The following CSMD1 variants were observed in gnomAD, a reference collection of about 807,000 sequenced individuals.
CSMD1 encodes CUB and Sushi multiple domains 1.
A neutral mutation model predicts 417.5 loss-of-function variants in CSMD1; 213 were observed. The observed-to-expected ratio is 0.51, with a 90% CI of 0.46 to 0.57. The LOEUF is 0.57. Among genes scored for constraint, CSMD1 ranks in the 20% least tolerant of loss-of-function variants. CSMD1 has a pLI of 0.00. For synonymous variants in CSMD1, 2,862 were observed against 1,736.8 expected, an observed-to-expected ratio of 1.65 and a Z score of -16.11; for missense variants, 6,923 against 4,529.7, an observed-to-expected ratio of 1.53 and a Z score of -15.17.
At chr8:3,919,479 T>G (rs932557710) in intron 5 of CSMD1, among the ~76,000 whole-genome samples, 1 of 152,148 alleles carries the variant, frequency 6.6e-6, no homozygotes, top group Non-Finnish European at 1.5e-5. Context: ...TTCTATTCTG[T>G]ATTATTGGTC....
At chr8:4,311,675 A>C (rs1798581824) in intron 3 of CSMD1, among the ~76,000 whole-genome samples, 1 of 148,036 alleles carries the variant, frequency 6.8e-6, no homozygotes, top group Non-Finnish European at 1.5e-5. Context: ...GTGAGCCGAG[A>C]TTGTGCCACA....
chr8:3,884,473 G>C (rs1240216741), intron 5 of CSMD1, among the ~76,000 whole-genome samples: 4 of 152,088 alleles, frequency 2.6e-5, no homozygotes, highest in African/African-American at 9.7e-5. Context: ...GCCTGAGCAG[G>C]GCCCCGCAGT....
intron 5 of CSMD1, among the ~76,000 whole-genome samples, chr8:3,931,388 A>G (rs1163293015): frequency 6.6e-6 from 1 of 150,690 alleles, no homozygotes; most frequent in Non-Finnish European, 1.5e-5. Context: ...TGAATGTCAC[A>G]TTCATTCTTT....
chr8:3,982,460 G>C (rs895216144), intron 5 of CSMD1, among the ~76,000 whole-genome samples: 3 of 151,970 alleles, frequency 2.0e-5, no homozygotes, highest in African/African-American at 4.8e-5. Context: ...TAACTCACAT[G>C]ATTACTATTA....
At chr8:4,024,557 T>C (rs11984947) in intron 4 of CSMD1, among the ~76,000 whole-genome samples, 28,221 of 152,106 alleles carry the variant, frequency 0.19, 3,766 homozygotes, top group African/African-American at 0.37. Flanking sequence ...TTTGAGACTT[T>C]AGTTTTTCAC....
intron 7 of CSMD1, among the ~76,000 whole-genome samples, chr8:3,670,708 T>C (rs140026585): frequency 0.01 from 1,528 of 148,482 alleles, 34 homozygotes; most frequent in African/African-American, 0.032. Flanking sequence ...ATATGGGATA[T>C]ATATGTATAT....
At chr8:4,482,016 G>A (rs915302024) in intron 2 of CSMD1, among the ~76,000 whole-genome samples, 1 of 152,142 alleles carries the variant, frequency 6.6e-6, no homozygotes, top group Non-Finnish European at 1.5e-5. Context: ...AGAGATTTAT[G>A]AATTCTCCTG....
intron 5 of CSMD1, among the ~76,000 whole-genome samples, chr8:3,834,843 T>C (rs1445560218): frequency 6.6e-6 from 1 of 151,652 alleles, no homozygotes; most frequent in East Asian, 1.9e-4. Context: ...ATATCCAGAA[T>C]CTACAATGAA....
chr8:4,074,964 T>C (rs1346428682), intron 3 of CSMD1, among the ~76,000 whole-genome samples: 1 of 152,160 alleles, frequency 6.6e-6, no homozygotes, highest in Non-Finnish European at 1.5e-5. Flanking sequence ...ACAGTTTGAG[T>C]CTGCCTTCCC....
chr8:4,409,607 G>C (rs962633314), intron 3 of CSMD1, among the ~76,000 whole-genome samples: 4 of 149,880 alleles, frequency 2.7e-5, no homozygotes, highest in Admixed American at 6.7e-5. Flanking sequence ...CTCTGACTTA[G>C]AAGAGTATAG....
intron 11 of CSMD1, among the ~76,000 whole-genome samples, chr8:3,476,242 T>C (rs1817411021): frequency 6.6e-6 from 1 of 152,202 alleles, no homozygotes; most frequent in Admixed American, 6.5e-5. Context: ...TCTGAAATCT[T>C]TCATCAACAT....
At chr8:4,448,385 C>G (rs759431741) in intron 2 of CSMD1, among the ~76,000 whole-genome samples, 1 of 152,148 alleles carries the variant, frequency 6.6e-6, no homozygotes, top group Non-Finnish European at 1.5e-5. Flanking sequence ...CGCCAGTTGT[C>G]CAACTCCTAC....
intron 1 of CSMD1, among the ~76,000 whole-genome samples, chr8:4,734,582 T>C (rs1164988517): frequency 6.6e-6 from 1 of 152,232 alleles, no homozygotes; most frequent in Admixed American, 6.5e-5. Flanking sequence ...TTAAATTATA[T>C]GCTGTTTAAC....
At chr8:3,847,418 G>C (rs1803581431) in intron 5 of CSMD1, among the ~76,000 whole-genome samples, 1 of 152,166 alleles carries the variant, frequency 6.6e-6, no homozygotes, top group African/African-American at 2.4e-5. Flanking sequence ...GGGAGGGACA[G>C]TTGGCTGCGA....
chr8:4,105,852 C>G lies in CSMD1; in HGVS notation c.416-73753G>C, dbSNP rs578032053. Among the ~76,000 whole-genome samples the G allele has an allele frequency of 5.9e-5, 9 of 152,310 alleles. No individual in the cohort carries two copies. In the East Asian group the frequency reaches 1.4e-3, roughly 23 times the overall value. On this transcript the variant is annotated intron_variant, in intron 3 of 69. Coordinates refer to ENST00000635120, the MANE Select transcript of CSMD1 (RefSeq NM_033225.6). The stretch of plus-strand genomic sequence containing the variant: ...TTTGCTGAGGCCATGACCCTCTGAG[C>G]TTCCCGGGACAACAGAGCAGACAGG...
intron 23 of CSMD1, among the ~76,000 whole-genome samples, chr8:3,334,998 T>A (rs1336085618): frequency 6.6e-6 from 1 of 152,118 alleles, no homozygotes; most frequent in African/African-American, 2.4e-5. Context: ...CTGAAAAAAG[T>A]GAGTTAATTC....
intron 2 of CSMD1, among the ~76,000 whole-genome samples, chr8:4,550,957 C>T (rs61235114): frequency 4.6e-5 from 7 of 152,220 alleles, no homozygotes; most frequent in African/African-American, 7.2e-5. Flanking sequence ...AGCATTTCAA[C>T]GAATTCATTA....
At chr8:4,159,542 A>G (rs1199720933) in intron 3 of CSMD1, among the ~76,000 whole-genome samples, 1 of 152,234 alleles carries the variant, frequency 6.6e-6, no homozygotes, top group Non-Finnish European at 1.5e-5. Flanking sequence ...AGCCATAAAA[A>G]GCAATGAATT....
chr8:4,098,039 T>C (rs1215865025), intron 3 of CSMD1, among the ~76,000 whole-genome samples: 4 of 152,208 alleles, frequency 2.6e-5, no homozygotes, highest in African/African-American at 9.6e-5. Flanking sequence ...ATAATTTTTG[T>C]TCAGGCACAG....
Sources: allele counts gnomAD v4.1 joint callset (sites outside exome capture counted in the v4.1 genomes callset), GRCh38; gene constraint gnomAD v4.1.1; transcripts MANE v1.5; gene names NCBI Gene and HGNC (gene_info 2026-07-23, HGNC 2026-07-21).